The following BACH2 variants were observed in gnomAD, a reference collection of about 807,000 sequenced individuals.
BACH2 encodes the protein BACH transcriptional regulator 2, also known as transcription regulator protein BACH2.
A neutral mutation model predicts 61.8 loss-of-function variants in BACH2; 5 were observed. The ratio of observed to expected loss-of-function variants is 0.08; its 90% CI spans 0.04 to 0.17. The LOEUF (loss-of-function observed/expected upper bound fraction) is 0.17. Ranked by LOEUF, BACH2 falls within the 10% of genes least tolerant of loss-of-function variation. The probability of loss-of-function intolerance (pLI) is 1.00; values close to 1 mark genes in which losing one functional copy is unlikely to be tolerated. For missense variants in BACH2, 824 were observed against 1,091.1 expected (o/e 0.76, Z 3.45); for synonymous variants, 446 against 440.1 (o/e 1.01, Z -0.17).
At chr6:90,165,168 T>C (rs1317148159) in intron 4 of BACH2, among the ~76,000 whole-genome samples, 4 of 152,174 alleles carry the variant, frequency 2.6e-5, no homozygotes, top group African/African-American at 9.7e-5. Context: ...GAAAACCCCA[T>C]CATCTCAGCA....
chr6:90,099,305 C>T (rs929240433), intron 4 of BACH2, among the ~76,000 whole-genome samples: 2 of 152,222 alleles, frequency 1.3e-5, no homozygotes, highest in African/African-American at 4.8e-5. Context: ...ACATAGCTGA[C>T]TTTGGCCAAG....
At chr6:90,197,481 A>T (rs1172443443) in intron 4 of BACH2, among the ~76,000 whole-genome samples, 2 of 152,232 alleles carry the variant, frequency 1.3e-5, no homozygotes, top group Non-Finnish European at 2.9e-5. Flanking sequence ...TGTATCTATT[A>T]AGGCCTACTA....
chr6:90,011,382 CTCTG>C lies in BACH2; in HGVS notation c.-12-2530_-12-2527del, dbSNP rs373830171. On this transcript the variant is annotated intron_variant, in intron 5 of 8. Coordinates refer to ENST00000257749, the MANE Select transcript of BACH2 (RefSeq NM_021813.4). ...TTACATGTATGAATCTATTTATGGACTCTGTCTTTTACTATTTTTATGTTTGTCT... is the reference window on the plus strand; with the variant it reads ...TTACATGTATGAATCTATTTATGGACTCTTTTACTATTTTTATGTTTGTCT... 1.4e-3 allele frequency among the ~76,000 whole-genome samples: 218 copies of C among 152,268 alleles called. 1 individual carries two copies. The highest frequency in any genetic ancestry group is 5.0e-3 in the African/African-American group (207 of 41,554).
intron 4 of BACH2, among the ~76,000 whole-genome samples, chr6:90,155,349 A>G (rs1784961341): frequency 6.6e-6 from 1 of 152,202 alleles, no homozygotes. Context: ...AACACATGGC[A>G]GTAGGTGTCA....
intron 6 of BACH2, among the ~76,000 whole-genome samples, chr6:89,996,164 G>A (rs537521682): frequency 3.9e-5 from 6 of 152,188 alleles, no homozygotes; most frequent in Admixed American, 6.5e-5. Flanking sequence ...CTACGGATAC[G>A]TATCAAGGCC....
chr6:89,949,534 G>T (rs1180546547), intron 7 of BACH2, among the ~76,000 whole-genome samples: 1 of 152,150 alleles, frequency 6.6e-6, no homozygotes, highest in Admixed American at 6.5e-5. Context: ...TCCAGCAATG[G>T]TAAGACACAC....
intron 4 of BACH2, among the ~76,000 whole-genome samples, chr6:90,175,617 C>A (rs1389978253): frequency 6.6e-6 from 1 of 152,028 alleles, no homozygotes; most frequent in Admixed American, 6.6e-5. Flanking sequence ...GAAATCAGAT[C>A]TCAGATCAAT....
At chr6:90,092,926 A>C (rs555670203) in intron 4 of BACH2, among the ~76,000 whole-genome samples, 92 of 152,248 alleles carry the variant, frequency 6.0e-4, no homozygotes, top group Non-Finnish European at 7.1e-4. Context: ...CCTGGAGGCC[A>C]AGGAACCATG....
intron 4 of BACH2, among the ~76,000 whole-genome samples, chr6:90,123,005 G>A (rs1473869535): frequency 6.6e-6 from 1 of 152,174 alleles, no homozygotes; most frequent in Non-Finnish European, 1.5e-5. Flanking sequence ...AGGAGTAGGG[G>A]GTTGAATTGA....
At chr6:90,029,020 T>C (rs1778797298) in intron 5 of BACH2, among the ~76,000 whole-genome samples, 1 of 152,220 alleles carries the variant, frequency 6.6e-6, no homozygotes, top group Non-Finnish European at 1.5e-5. Flanking sequence ...ATGCCAATTT[T>C]CCCCATTCAC....
intron 2 of BACH2, among the ~76,000 whole-genome samples, chr6:90,266,166 C>G (rs960399948): frequency 6.6e-6 from 1 of 152,174 alleles, no homozygotes; most frequent in African/African-American, 2.4e-5. Flanking sequence ...GCCACTGCAC[C>G]CATGGAGGCT....
At chr6:90,009,619 C>T (rs1247334236) in intron 5 of BACH2, among the ~76,000 whole-genome samples, 2 of 152,208 alleles carry the variant, frequency 1.3e-5, no homozygotes, top group African/African-American at 4.8e-5. Flanking sequence ...GTCAAGATTA[C>T]TTTTACAAAA....
intron 3 of BACH2, among the ~76,000 whole-genome samples, chr6:90,248,246 C>T (rs1181229558): frequency 2.0e-5 from 3 of 152,134 alleles, no homozygotes; most frequent in Non-Finnish European, 4.4e-5. Context: ...TTTTTCAGTA[C>T]TTAACACTCC....
At chr6:90,150,675 G>A (rs1219246477) in intron 4 of BACH2, among the ~76,000 whole-genome samples, 7 of 152,248 alleles carry the variant, frequency 4.6e-5, no homozygotes, top group East Asian at 1.9e-4. Flanking sequence ...GCATAGTTCC[G>A]AGAAGGGTTT....
chr6:90,061,857 G>A (rs1207420770), intron 5 of BACH2, among the ~76,000 whole-genome samples: 1 of 152,206 alleles, frequency 6.6e-6, no homozygotes, highest in Non-Finnish European at 1.5e-5. Flanking sequence ...GAACAGTTCT[G>A]GTGAAGCAGT....
chr6:89,955,166 C>T (rs1190147921), intron 6 of BACH2, among the ~76,000 whole-genome samples: 1 of 152,178 alleles, frequency 6.6e-6, no homozygotes, highest in East Asian at 1.9e-4. Flanking sequence ...AGGAGTTTAT[C>T]CATGGTCAGT....
intron 5 of BACH2, among the ~76,000 whole-genome samples, chr6:90,045,494 G>A (rs1223236449): frequency 6.6e-6 from 1 of 152,194 alleles, no homozygotes; most frequent in Non-Finnish European, 1.5e-5. Context: ...CTGTAACACT[G>A]TACGTGCAAC....
At position 89,950,351 on chromosome 6, in the gene BACH2, A is replaced by G. The variant is rs1265609767; in HGVS notation, c.1755T>C (p.Tyr585=). The change falls in exon 7 of 9, where the codon TAT becomes TAC. Residue 585 remains tyrosine (Y), a synonymous_variant. Transcript: ENST00000257749. The surrounding 1 kb of genome is among the most constrained non-coding windows in gnomAD (Gnocchi z 5.3). ...VRPQIKCEQS[Y]GTNSSDESGS... ...CGGATTCGTCACTGGAGTTGGTTCC[A>G]TAAGACTGCTCACATTTAATTTGGG... 2 of 1,614,122 alleles carry G rather than the reference A, an allele frequency of 1.2e-6. No homozygotes were observed. Among genetic ancestry groups the G allele is most frequent in the Admixed American group, 1.7e-5 (1 of 60,028 alleles).
At chr6:89,986,235 T>TTC (rs1450497283) in intron 6 of BACH2, among the ~76,000 whole-genome samples, 109 of 151,540 alleles carry the variant, frequency 7.2e-4, no homozygotes, top group African/African-American at 2.6e-3. Context: ...TTTTTTTTTT[T>TTC]CCTGTGGGGT....
Sources: allele counts gnomAD v4.1 joint callset (sites outside exome capture counted in the v4.1 genomes callset), GRCh38; gene constraint gnomAD v4.1.1; non-coding constraint Gnocchi (gnomAD v3.1); transcripts MANE v1.5; gene names NCBI Gene and HGNC (gene_info 2026-07-23, HGNC 2026-07-21).